ADGRL3: variants seen among roughly 807,000 people sequenced by gnomAD.
ADGRL3 encodes calcium-independent alpha-latrotoxin receptor 3.
Under a neutral mutation model 153.5 loss-of-function variants are expected in ADGRL3, and 62 were observed. The observed-to-expected ratio is 0.40, with a 90% CI of 0.33 to 0.50. ADGRL3 has a LOEUF of 0.50. ADGRL3 is among the 20% of genes least tolerant of loss of function. ADGRL3 has a pLI of 0.47. For missense variants in ADGRL3, 1,641 were observed against 1,859.4 expected (o/e 0.88, Z 2.16); for synonymous variants, 710 against 672.5 (o/e 1.06, Z -0.86).
At chr4:61,606,383 G>C (rs775273498) in intron 5 of ADGRL3, among the ~76,000 whole-genome samples, 3 of 152,178 alleles carry the variant, frequency 2.0e-5, no homozygotes, top group Non-Finnish European at 4.4e-5. Context: ...ACCAGAGATT[G>C]GGTGGCTTGA....
At chr4:61,508,483 T>G (rs2098444129) in intron 3 of ADGRL3, among the ~76,000 whole-genome samples, 2 of 152,320 alleles carry the variant, frequency 1.3e-5, no homozygotes, top group Non-Finnish European at 2.9e-5. Context: ...GCAGACTATT[T>G]ATTCTTTTAT....
chr4:61,677,075 A>G, intron 6 of ADGRL3, 140 bp downstream of exon 6: 1 of 616,556 alleles, frequency 1.6e-6, no homozygotes, highest in Non-Finnish European at 2.9e-6. Context: ...TTTGAGAATC[A>G]TAGACCCTCC....
chr4:61,602,815 G>T (rs1048913415), intron 5 of ADGRL3, among the ~76,000 whole-genome samples: 8 of 152,100 alleles, frequency 5.3e-5, no homozygotes, highest in African/African-American at 1.9e-4. Context: ...ACAATGCCAA[G>T]TATAATACTG....
intron 2 of ADGRL3, among the ~76,000 whole-genome samples, chr4:61,424,141 A>G (rs1230706889): frequency 6.6e-6 from 1 of 152,130 alleles, no homozygotes; most frequent in Non-Finnish European, 1.5e-5. Context: ...GCTGTCCCTC[A>G]CAGTGTCAGT....
rs1467033952 is a variant in ADGRL3, at chr4:62,077,933, A to T, written c.*7025A>T. 1 of 151,970 alleles carries T rather than the reference A, an allele frequency of 6.6e-6. No individual in the cohort carries two copies. The highest frequency in any genetic ancestry group is 6.6e-5 in the Admixed American group (1 of 15,232). 9.4% of individuals were successfully genotyped at this position (151,970 alleles called of 1,614,324 possible). A position where few individuals can be genotyped will look rare whatever the true frequency, so the allele number is the denominator to read the frequency against. ...AATCAAGATTTGTAGAGTCAGGTTG[A>T]TTTGCCTTCATTTAATTCCTGCAAA... On this transcript the variant is annotated 3_prime_UTR_variant, in exon 27 of 27. Coordinates refer to ENST00000683033, the MANE Select transcript of ADGRL3 (RefSeq NM_001387552.1).
chr4:61,970,422 C>G (rs116834852), intron 17 of ADGRL3, among the ~76,000 whole-genome samples: 2 of 151,956 alleles, frequency 1.3e-5, no homozygotes, highest in Non-Finnish European at 2.9e-5. Context: ...TTCTTTCATT[C>G]GTTATGGTAG....
chr4:61,892,898 A>G lies in ADGRL3; in HGVS notation c.1723A>G (p.Met575Val), dbSNP rs755018975. 12 of 1,585,790 alleles carry G rather than the reference A, an allele frequency of 7.6e-6. No homozygotes were observed. Among genetic ancestry groups the G allele is most frequent in the Non-Finnish European group, 1.0e-5 (12 of 1,170,048 alleles). The change falls in exon 10 of 27, where the codon ATG (methionine) becomes GTG (valine). Residue 575 changes from methionine to valine, a missense_variant. Met to Val is a conservative substitution (Grantham distance 21). Transcript: ENST00000683033. ...SCEAVEAREIMWFKTRQGQIA... is the reference protein window; with the variant it reads ...SCEAVEAREIVWFKTRQGQIA... ...TGAGGCTGTGGAAGCCCGAGAAATC[A>G]TGTGGTTTAAGACTCGTCAAGGACA...
chr4:61,684,158 A>G (rs2095399384), intron 6 of ADGRL3, among the ~76,000 whole-genome samples: 1 of 152,212 alleles, frequency 6.6e-6, no homozygotes, highest in South Asian at 2.1e-4. Context: ...ATCTAGTACC[A>G]GTTACAACGT....
At chr4:61,871,104 C>G (rs907108249) in intron 9 of ADGRL3, among the ~76,000 whole-genome samples, 1 of 144,452 alleles carries the variant, frequency 6.9e-6, no homozygotes, top group Non-Finnish European at 1.5e-5. Flanking sequence ...CGGTGAAACC[C>G]CGTCTCTACT....
intron 4 of ADGRL3, among the ~76,000 whole-genome samples, chr4:61,521,969 G>A (rs1049343039): frequency 6.6e-6 from 1 of 152,054 alleles, no homozygotes; most frequent in Non-Finnish European, 1.5e-5. Flanking sequence ...ATAACTGGTA[G>A]CCTTATTATT....
intron 13 of ADGRL3, among the ~76,000 whole-genome samples, chr4:61,921,431 G>T (rs1203197615): frequency 3.3e-5 from 5 of 151,972 alleles, no homozygotes; most frequent in Non-Finnish European, 5.9e-5. Context: ...TAGCTTTTTT[G>T]TTGTTGTTGA....
intron 25 of ADGRL3, among the ~76,000 whole-genome samples, chr4:62,050,499 A>AGGTT (rs1204606756): frequency 6.6e-6 from 1 of 152,018 alleles, no homozygotes; most frequent in Non-Finnish European, 1.5e-5. Flanking sequence ...CTTTCCCAGG[A>AGGTT]GGTTGGTCAC....
intron 17 of ADGRL3, among the ~76,000 whole-genome samples, chr4:61,967,351 G>T (rs1425472780): frequency 2.0e-5 from 3 of 151,846 alleles, no homozygotes; most frequent in African/African-American, 7.3e-5. Context: ...GTTTATATTT[G>T]CCTTTCATTT....
At chr4:61,754,357 T>A (rs534151606) in intron 8 of ADGRL3, among the ~76,000 whole-genome samples, 1 of 152,144 alleles carries the variant, frequency 6.6e-6, no homozygotes, top group South Asian at 2.1e-4. Flanking sequence ...AACAAATAAA[T>A]ATTTTATTTT....
intron 6 of ADGRL3, among the ~76,000 whole-genome samples, chr4:61,681,201 T>C (rs891626090): frequency 6.6e-6 from 1 of 152,116 alleles, no homozygotes; most frequent in Admixed American, 6.6e-5. Context: ...GTTACAGGGA[T>C]GACTTGTATT....
At chr4:61,546,296 T>C (rs1345096937) in intron 4 of ADGRL3, among the ~76,000 whole-genome samples, 1 of 152,204 alleles carries the variant, frequency 6.6e-6, no homozygotes, top group African/African-American at 2.4e-5. Context: ...CTCATTTATA[T>C]TACTATATGT....
At chr4:61,618,875 C>G (rs991996553) in intron 5 of ADGRL3, among the ~76,000 whole-genome samples, 1 of 152,088 alleles carries the variant, frequency 6.6e-6, no homozygotes, top group African/African-American at 2.4e-5. Context: ...TGCCACAATA[C>G]GCAGCTAATT....
intron 6 of ADGRL3, among the ~76,000 whole-genome samples, chr4:61,700,053 A>G (rs1009787882): frequency 2.6e-5 from 4 of 152,116 alleles, no homozygotes; most frequent in African/African-American, 9.6e-5. Context: ...GCAGAAAACC[A>G]TTACTTGAGG....
At chr4:61,952,592 A>G (rs1224110275) in intron 17 of ADGRL3, among the ~76,000 whole-genome samples, 1 of 152,220 alleles carries the variant, frequency 6.6e-6, no homozygotes, top group Non-Finnish European at 1.5e-5. Flanking sequence ...CAGCTTAAAA[A>G]TAAAATTACC....
Sources: gnomAD v4.1 joint callset for allele counts (sites outside exome capture counted in the v4.1 genomes callset) on GRCh38, gnomAD v4.1.1 for gene constraint, MANE v1.5 for transcripts, NCBI Gene and HGNC (gene_info 2026-07-23, HGNC 2026-07-21) for gene names.